The following ARL1 variants were observed in gnomAD, a reference collection of about 807,000 sequenced individuals.
ARL1 encodes ARF like GTPase 1, also known as ADP-ribosylation factor-like protein 1.
In ARL1, 17 loss-of-function variants were observed where a neutral mutation model predicts 30.1. The observed-to-expected ratio is 0.56, with a 90% confidence interval of 0.39 to 0.85. The LOEUF (loss-of-function observed/expected upper bound fraction) is 0.85. Ranked by LOEUF, ARL1 falls within the 40% of genes least tolerant of loss-of-function variation. The probability of loss-of-function intolerance (pLI) is 0.00; values close to 1 mark genes in which losing one functional copy is unlikely to be tolerated. For synonymous variants in ARL1, 58 were observed against 71.7 expected, an observed-to-expected ratio of 0.81 and a Z score of 0.97; for missense variants, 102 against 212.6, an observed-to-expected ratio of 0.48 and a Z score of 3.24.
chr12:101,407,595 C>T, intron 1 of ARL1, 47 bp downstream of exon 1: 8 of 1,606,430 alleles, frequency 5.0e-6, no homozygotes, highest in Non-Finnish European at 6.8e-6. Flanking sequence ...CAGCCCTCGG[C>T]CGCGGCTCCC....
chr12:101,400,286 CACA>C (rs1871268330), intron 4 of ARL1: 1 of 150,678 alleles, frequency 6.6e-6, no homozygotes, highest in Admixed American at 6.6e-5. Context: ...TGCAATGGCT[CACA>C]CCTGTAATCC....
At chr12:101,406,341 A>G (rs2121129331) in intron 1 of ARL1, among the ~76,000 whole-genome samples, 1 of 152,324 alleles carries the variant, frequency 6.6e-6, no homozygotes, top group South Asian at 2.1e-4. Context: ...TAAGGAGGAT[A>G]GTGGGACAAT....
rs199647502 is a variant in ARL1 at position 101,405,962 on chromosome 12, T to C, written c.24A>G (p.Ile8Met). 29 of 1,564,156 alleles carry C rather than the reference T, an allele frequency of 1.9e-5. No individual in the cohort carries two copies. The East Asian group carries it at 6.5e-4, about 35-fold the overall frequency. MGGFFSS[I>M]FSSLFGTREM... ...CCCGAGTTCCAAACAGACTGGAAAATATACTTGAGAAAAAGCCACCTAAAA... is the reference window on the plus strand; with the variant it reads ...CCCGAGTTCCAAACAGACTGGAAAACATACTTGAGAAAAAGCCACCTAAAA... Residue 8 changes from isoleucine to methionine, a missense_variant, in exon 2 of 6, where the codon ATA becomes ATG. Ile to Met is a conservative substitution (Grantham distance 10). Coordinates refer to ENST00000261636, the MANE Select transcript of ARL1 (RefSeq NM_001177.6).
chr12:101,401,272 G>T, intron 3 of ARL1, 99 bp from the exon 4 acceptor site: 1 of 727,182 alleles, frequency 1.4e-6, no homozygotes, highest in Non-Finnish European at 2.4e-6. Context: ...TAGAATCAAT[G>T]CCTTAATGAT....
chr12:101,407,466 G>T (rs1278185595), intron 1 of ARL1, 176 bp downstream of exon 1: 1 of 781,594 alleles, frequency 1.3e-6, no homozygotes, highest in Non-Finnish European at 2.0e-6. Flanking sequence ...GAGAACGCGA[G>T]AGGCCGGATC....
Position 101,395,155 on chromosome 12 carries a change from A to G in ARL1, c.*485T>C, listed in dbSNP as rs1358005435. ...GCTTTTAAACAAAACAGCTTAATAA[A>G]AAGTGGTCAGGTAAGCAAATAAAGA... is the stretch of plus-strand genomic sequence containing the variant. On this transcript the variant is annotated 3_prime_UTR_variant, in exon 6 of 6. Transcript: ENST00000261636. 1 of 153,064 alleles carries G rather than the reference A, an allele frequency of 6.5e-6. No homozygotes were observed. The highest frequency in any genetic ancestry group is 1.5e-5 in the Non-Finnish European group (1 of 68,252). The allele number at this position is 153,064 out of a possible 1,614,324, so 9.5% of individuals were successfully genotyped here.
At chr12:101,400,642 A>C (rs1871281036) in intron 4 of ARL1, among the ~76,000 whole-genome samples, 1 of 152,170 alleles carries the variant, frequency 6.6e-6, no homozygotes, top group Non-Finnish European at 1.5e-5. Context: ...GGTCAAAAGC[A>C]CTGTAAACAC....
chr12:101,405,697 C>T (rs1871421148), intron 2 of ARL1, 147 bp downstream of exon 2: 1 of 810,474 alleles, frequency 1.2e-6, no homozygotes, highest in Non-Finnish European at 1.7e-6. Flanking sequence ...AGGAGGATCA[C>T]TTGAGGCCAA....
intron 5 of ARL1, among the ~76,000 whole-genome samples, chr12:101,395,978 A>G (rs1203439355): frequency 5.9e-5 from 9 of 152,226 alleles, no homozygotes; most frequent in Admixed American, 5.9e-4. Context: ...TAATGAGTAG[A>G]TGAACAAATC....
intron 4 of ARL1, among the ~76,000 whole-genome samples, chr12:101,397,894 T>C (rs1183726957): frequency 6.6e-6 from 1 of 152,196 alleles, no homozygotes; most frequent in African/African-American, 2.4e-5. Context: ...GATCTTGCTA[T>C]GATTCAGATC....
intron 2 of ARL1, 132 bp downstream of exon 2, chr12:101,405,712 C>A: frequency 9.9e-7 from 1 of 1,013,696 alleles, no homozygotes; most frequent in Non-Finnish European, 1.3e-6. Context: ...GGCCAAGAGT[C>A]TAAGACCAGC....
chr12:101,406,727 GAAC>G (rs1871451901), intron 1 of ARL1, among the ~76,000 whole-genome samples: 1 of 152,184 alleles, frequency 6.6e-6, no homozygotes, highest in Non-Finnish European at 1.5e-5. Flanking sequence ...GTTGAAAAAT[GAAC>G]AACACCATGG....
chr12:101,402,367 T>G (rs1438238526), intron 3 of ARL1, among the ~76,000 whole-genome samples: 1 of 152,134 alleles, frequency 6.6e-6, no homozygotes, highest in Non-Finnish European at 1.5e-5. Flanking sequence ...TTTTGTATTT[T>G]TAGTAGAGAC....
At chr12:101,404,513 T>C (rs1233785925) in intron 2 of ARL1, among the ~76,000 whole-genome samples, 3 of 152,224 alleles carry the variant, frequency 2.0e-5, no homozygotes, top group African/African-American at 7.2e-5. Flanking sequence ...CTAAGGGCAC[T>C]AAAATTTACT....
At chr12:101,407,247 G>A (rs1274929359) in intron 1 of ARL1, 1 of 252,012 alleles carries the variant, frequency 4.0e-6, no homozygotes, top group African/African-American at 2.2e-5. Context: ...TGGGGCCGCA[G>A]CTCATCTTTC....
chr12:101,407,762 G>GC lies in ARL1; in HGVS notation c.-118dup, dbSNP rs1187781215. The GC allele has an allele frequency of 5.4e-6, 8 of 1,482,376 alleles. No homozygotes were observed. Among genetic ancestry groups the GC allele is most frequent in the African/African-American group, 1.4e-5 (1 of 72,454 alleles). 91.8% of individuals were successfully genotyped at this position (1,482,376 alleles called of 1,614,324 possible). ...CAGCAACTTCCACGTCGGACTCCAGGCGGGGGCGGGAGCGAGGGTCAGCTG... is the reference window on the plus strand; with the variant it reads ...CAGCAACTTCCACGTCGGACTCCAGGCCGGGGGCGGGAGCGAGGGTCAGCTG... On this transcript the variant is annotated 5_prime_UTR_variant, in exon 1 of 6. Coordinates refer to ENST00000261636, the MANE Select transcript of ARL1 (RefSeq NM_001177.6).
intron 1 of ARL1, chr12:101,407,168 T>A (rs1871467408): frequency 5.9e-6 from 1 of 170,456 alleles, no homozygotes; most frequent in Non-Finnish European, 1.2e-5. Context: ...AAGCAACACC[T>A]GCTCTCAGGT....
At position 101,395,536 on chromosome 12, in the gene ARL1, A is replaced by G; in HGVS notation, c.*104T>C. On this transcript the variant is annotated 3_prime_UTR_variant, in exon 6 of 6. Coordinates refer to ENST00000261636, the MANE Select transcript of ARL1 (RefSeq NM_001177.6). ...TATTGCAGTCAGTCAGTATATGCCA[A>G]TAATCATATAGTTTTAACATCTAGT... 1 of 935,412 alleles carries G rather than the reference A, an allele frequency of 1.1e-6. No homozygotes were observed. Among genetic ancestry groups the G allele is most frequent in the South Asian group, 1.6e-5 (1 of 62,578 alleles). 57.9% of individuals were successfully genotyped at this position (935,412 alleles called of 1,614,324 possible).
Position 101,393,534 on chromosome 12 carries a change from A to G in ARL1, c.*2106T>C, listed in dbSNP as rs1224664544. 1 of 152,194 alleles carries G rather than the reference A, an allele frequency of 6.6e-6. No individual in the cohort carries two copies. Among genetic ancestry groups the G allele is most frequent in the African/African-American group, 2.4e-5 (1 of 41,442 alleles). 9.4% of individuals were successfully genotyped at this position (152,194 alleles called of 1,614,324 possible). A position where few individuals can be genotyped will look rare whatever the true frequency, so the allele number is the denominator to read the frequency against. ...TCAGATTTGCCATGTATATATCAAT[A>G]TCCAAACGCTGGTAGTATACCTGTG... On this transcript the variant is annotated 3_prime_UTR_variant, in exon 6 of 6. Coordinates refer to ENST00000261636, the MANE Select transcript of ARL1 (RefSeq NM_001177.6).
Sources: allele counts gnomAD v4.1 joint callset (sites outside exome capture counted in the v4.1 genomes callset), GRCh38; gene constraint gnomAD v4.1.1; transcripts MANE v1.5; gene names NCBI Gene and HGNC (gene_info 2026-07-23, HGNC 2026-07-21).